The following ENDOD1 variants were observed in gnomAD, a reference collection of about 807,000 sequenced individuals.
ENDOD1 encodes endonuclease domain-containing 1 protein.
Under a neutral mutation model 6.5 loss-of-function variants are expected in ENDOD1, and 9 were observed. The observed-to-expected ratio is 1.39, with a 90% CI of 0.84 to 2.43. The LOEUF (loss-of-function observed/expected upper bound fraction) is 2.43. Ranked by LOEUF, ENDOD1 falls within the 30% of genes most tolerant of loss-of-function variation. ENDOD1 has a pLI of 0.00. For synonymous variants in ENDOD1, 255 were observed against 255.2 expected, an observed-to-expected ratio of 1.00 and a Z score of 0.01; for missense variants, 648 against 635.5, an observed-to-expected ratio of 1.02 and a Z score of -0.21.
At chr11:95,107,619 A>C (rs1258408088) in intron 1 of ENDOD1, among the ~76,000 whole-genome samples, 1 of 152,112 alleles carries the variant, frequency 6.6e-6, no homozygotes, top group Admixed American at 6.5e-5. Flanking sequence ...ATGTAACCTG[A>C]GAAGGTACTG....
At position 95,132,302 on chromosome 11, in the gene ENDOD1, G is replaced by A. The variant is rs150345470; in HGVS notation, c.*2723G>A. The A allele has an allele frequency of 3.9e-4, 60 of 152,752 alleles. No individual in the cohort carries two copies. Among genetic ancestry groups the A allele is most frequent in the African/African-American group, 1.4e-3 (57 of 41,566 alleles). The allele number at this position is 152,752 out of a possible 1,614,324, so 9.5% of individuals were successfully genotyped here. ...AATGCAGACTAGGTAGTTGGGAGGAGGAACCAAAGTGAACCATCCTTCATT... is the reference window on the plus strand; with the variant it reads ...AATGCAGACTAGGTAGTTGGGAGGAAGAACCAAAGTGAACCATCCTTCATT... On this transcript the variant is annotated 3_prime_UTR_variant, in exon 2 of 2. Coordinates refer to ENST00000278505, the MANE Select transcript of ENDOD1 (RefSeq NM_015036.3).
intron 1 of ENDOD1, among the ~76,000 whole-genome samples, chr11:95,118,548 T>C (rs1162990018): frequency 6.6e-6 from 1 of 152,220 alleles, no homozygotes; most frequent in Non-Finnish European, 1.5e-5. Context: ...TGGAGCTCCA[T>C]TGTATTTTAT....
chr11:95,103,100 G>GGGGTGTGTGT (rs1491376570), intron 1 of ENDOD1, among the ~76,000 whole-genome samples: 182 of 85,604 alleles, frequency 2.1e-3, no homozygotes, highest in South Asian at 8.7e-3. Context: ...AGGCAGAGTG[G>GGGGTGTGTGT]GTGTGTGTGT....
At chr11:95,120,318 G>A (rs1249818568) in intron 1 of ENDOD1, among the ~76,000 whole-genome samples, 1 of 152,156 alleles carries the variant, frequency 6.6e-6, no homozygotes, top group African/African-American at 2.4e-5. Context: ...TAAGGCCCAT[G>A]ACATGCTTAC....
At chr11:95,101,285 A>G (rs1859037892) in intron 1 of ENDOD1, among the ~76,000 whole-genome samples, 1 of 152,186 alleles carries the variant, frequency 6.6e-6, no homozygotes. Context: ...TTGGCTCATG[A>G]GCTAGAGTTT....
At chr11:95,106,513 GT>G (rs1859090689) in intron 1 of ENDOD1, among the ~76,000 whole-genome samples, 1 of 152,188 alleles carries the variant, frequency 6.6e-6, no homozygotes, top group Admixed American at 6.5e-5. Context: ...GTAATAGGAT[GT>G]TATTGAAGGT....
Position 95,101,998 on chromosome 11 carries a change from A to G in ENDOD1, c.300+11771A>G, listed in dbSNP as rs1423800239. Reference sequence around the variant, plus strand: ...CATTGCATATTTCTTTCAAGAATATATAACTCACAGGTGGCTTGAAAAAAT... The same window carrying G: ...CATTGCATATTTCTTTCAAGAATATGTAACTCACAGGTGGCTTGAAAAAAT... On this transcript the variant is annotated intron_variant, in intron 1 of 1. Coordinates refer to ENST00000278505, the MANE Select transcript of ENDOD1 (RefSeq NM_015036.3). Among the ~76,000 whole-genome samples, 7 of 152,144 alleles carry G rather than the reference A, an allele frequency of 4.6e-5. No individual in the cohort carries two copies. The South Asian group carries it at 8.3e-4, about 18-fold the overall frequency.
chr11:95,131,661 T>C lies in ENDOD1; in HGVS notation c.*2082T>C, dbSNP rs939789352. On this transcript the variant is annotated 3_prime_UTR_variant, in exon 2 of 2. Transcript: ENST00000278505. ...GATTTGGCATGTGTGATGAAAACAA[T>C]TAGCCATCCATGTACAACATTATGC... 1 of 152,216 alleles carries C rather than the reference T, an allele frequency of 6.6e-6. No individual in the cohort carries two copies. Among genetic ancestry groups the C allele is most frequent in the African/African-American group, 2.4e-5 (1 of 41,460 alleles). 9.4% of individuals were successfully genotyped at this position (152,216 alleles called of 1,614,324 possible).
chr11:95,097,416 A>G (rs1555110435), intron 1 of ENDOD1, among the ~76,000 whole-genome samples: 1 of 152,148 alleles, frequency 6.6e-6, no homozygotes, highest in Non-Finnish European at 1.5e-5. Context: ...GTTGAGGAAG[A>G]ACTAAGAGGC....
At chr11:95,096,227 C>CTTCTT (rs1858982359) in intron 1 of ENDOD1, among the ~76,000 whole-genome samples, 1 of 49,964 alleles carries the variant, frequency 2.0e-5, no homozygotes, top group Non-Finnish European at 3.3e-5. Flanking sequence ...GTCAAGAAAG[C>CTTCTT]TTTTTTTTTT....
At chr11:95,106,420 T>C (rs1389233884) in intron 1 of ENDOD1, among the ~76,000 whole-genome samples, 2 of 152,154 alleles carry the variant, frequency 1.3e-5, no homozygotes, top group Non-Finnish European at 2.9e-5. Flanking sequence ...TCTGGTTGAA[T>C]ATAAAGGAAG....
intron 1 of ENDOD1, among the ~76,000 whole-genome samples, chr11:95,103,654 G>T (rs1490237307): frequency 6.6e-6 from 1 of 152,146 alleles, no homozygotes; most frequent in Non-Finnish European, 1.5e-5. Flanking sequence ...TAAGAAAATG[G>T]GTTTTGTAGT....
At chr11:95,116,484 T>C (rs1439118301) in intron 1 of ENDOD1, among the ~76,000 whole-genome samples, 1 of 152,200 alleles carries the variant, frequency 6.6e-6, no homozygotes, top group Non-Finnish European at 1.5e-5. Flanking sequence ...TACATTTCAG[T>C]TTCATTTATT....
intron 1 of ENDOD1, among the ~76,000 whole-genome samples, chr11:95,091,757 G>A (rs1448665451): frequency 5.3e-5 from 8 of 152,318 alleles, no homozygotes; most frequent in African/African-American, 1.9e-4. Flanking sequence ...AGATCTGAGT[G>A]CAGTTCTGGA....
At chr11:95,110,629 C>G (rs189387385) in intron 1 of ENDOD1, among the ~76,000 whole-genome samples, 13 of 151,108 alleles carry the variant, frequency 8.6e-5, no homozygotes, top group Non-Finnish European at 1.6e-4. Flanking sequence ...AAGCCAATGA[C>G]CAACATTAGT....
chr11:95,120,202 A>G (rs530738357), intron 1 of ENDOD1, among the ~76,000 whole-genome samples: 1 of 151,998 alleles, frequency 6.6e-6, no homozygotes, highest in South Asian at 2.1e-4. Flanking sequence ...AGTCCTCTTT[A>G]CTTTTTCCTC....
chr11:95,099,420 G>A (rs1859016373), intron 1 of ENDOD1, among the ~76,000 whole-genome samples: 1 of 152,212 alleles, frequency 6.6e-6, no homozygotes, highest in African/African-American at 2.4e-5. Context: ...AATGCCAGCT[G>A]TCCCTAGGGG....
intron 1 of ENDOD1, among the ~76,000 whole-genome samples, chr11:95,100,231 A>T (rs117073979): frequency 1.3e-5 from 2 of 152,154 alleles, no homozygotes; most frequent in East Asian, 3.9e-4. Context: ...CCCATCATCT[A>T]TCTAAGTCTC....
chr11:95,129,330 T>C lies in ENDOD1; in HGVS notation c.1254T>C (p.Cys418=), dbSNP rs371961379. ...VIRALLRILC[C]LLKAICRVLS... ...GGGCTCTCCTCCGGATCCTTTGTTG[T>C]CTGCTGAAGGCCATTTGCCGAGTTC... The change falls in exon 2 of 2, where the codon TGT becomes TGC. Residue 418 remains cysteine (C), a synonymous_variant. Coordinates refer to ENST00000278505, the MANE Select transcript of ENDOD1 (RefSeq NM_015036.3). The C allele has an allele frequency of 6.0e-5, 97 of 1,614,216 alleles. 1 individual carries two copies. In the East Asian group the frequency reaches 6.2e-4, roughly 10 times the overall value.
Sources: allele counts gnomAD v4.1 joint callset (sites outside exome capture counted in the v4.1 genomes callset), GRCh38; gene constraint gnomAD v4.1.1; transcripts MANE v1.5; gene names NCBI Gene and HGNC (gene_info 2026-07-23, HGNC 2026-07-21).